RIN1: variants seen among roughly 807,000 people sequenced by gnomAD.
RIN1 encodes the protein Ras and Rab interactor 1, also known as ras inhibitor 1.
A neutral mutation model predicts 64.9 loss-of-function variants in RIN1; 52 were observed. The observed-to-expected ratio is 0.80, with a 90% CI of 0.64 to 1.01. The LOEUF is 1.01. RIN1 is among the 50% of genes least tolerant of loss of function. The probability of loss-of-function intolerance (pLI) is 0.00; values close to 1 mark genes in which losing one functional copy is unlikely to be tolerated. For synonymous variants in RIN1, 486 were observed against 483.6 expected (o/e 1.00, Z -0.06); for missense variants, 1,040 against 1,064.5 (o/e 0.98, Z 0.32).
intron 9 of RIN1, 39 bp from the exon 10 acceptor site, chr11:66,332,791 G>C (rs374113133): frequency 7.0e-7 from 1 of 1,418,528 alleles, no homozygotes; most frequent in Non-Finnish European, 9.5e-7. Flanking sequence ...ACTCAGCCCC[G>C]GCTGGCATGC....
rs572382503 is a variant in RIN1, at chr11:66,331,505, A to G, written c.*771T>C. The G allele has an allele frequency of 1.3e-5, 2 of 152,174 alleles. No individual in the cohort carries two copies. Among genetic ancestry groups the G allele is most frequent in the Non-Finnish European group, 2.9e-5 (2 of 68,026 alleles). 9.4% of individuals were successfully genotyped at this position (152,174 alleles called of 1,614,324 possible). A position where few individuals can be genotyped will look rare whatever the true frequency, so the allele number is the denominator to read the frequency against. On this transcript the variant is annotated 3_prime_UTR_variant, in exon 10 of 10. Coordinates refer to ENST00000311320, the MANE Select transcript of RIN1 (RefSeq NM_004292.3). ...CTTGGGGAGAGACTGTAACTTGGGT[A>G]CTTTCTCCCCAGGGCCTGATTTCCA...
In RIN1 at chr11:66,334,944, C is replaced by G; in HGVS notation, c.855G>C (p.Gln285His). ...PSQTERLPPCQLLRRESSVGY... is the reference protein window; with the variant it reads ...PSQTERLPPCHLLRRESSVGY... ...CCACTGAGCTCTCCCTCCGTAGCAG[C>G]TGGCAAGGGGGCAGCCGCTCTGTCT... Residue 285 changes from glutamine to histidine, a missense_variant, in exon 6 of 10, where the codon CAG (glutamine) becomes CAC (histidine). Physicochemically the swap from Gln to His is conservative, Grantham distance 24. Transcript: ENST00000311320. 1 of 1,587,454 alleles carries G rather than the reference C, an allele frequency of 6.3e-7. No individual in the cohort carries two copies. Among genetic ancestry groups the G allele is most frequent in the Non-Finnish European group, 8.6e-7 (1 of 1,166,844 alleles).
chr11:66,334,177 G>C lies in RIN1; in HGVS notation c.1333C>G (p.Arg445Gly). 1.3e-6 allele frequency: 2 copies of C among 1,528,758 alleles called. No homozygotes were observed. Among genetic ancestry groups the C allele is most frequent in the Non-Finnish European group, 1.7e-6 (2 of 1,144,424 alleles). 94.7% of individuals were successfully genotyped at this position (1,528,758 alleles called of 1,614,324 possible). A position where few individuals can be genotyped will look rare whatever the true frequency, so the allele number is the denominator to read the frequency against. ...SLHCSVLKPLRPILAARLRRR... is the reference protein window; with the variant it reads ...SLHCSVLKPLGPILAARLRRR... ...CGCAGGCGGGCTGCCAGGATGGGCC[G>C]GAGAGGCTTGAGCACAGAGCAATGC... The change falls in exon 7 of 10, where the codon CGG becomes GGG. Residue 445 changes from arginine (R) to glycine (G), a missense_variant. By Grantham distance (125) the Arg-to-Gly change is moderately radical (BLOSUM62 -2). Transcript: ENST00000311320.
chr11:66,335,260 C>G lies in RIN1; in HGVS notation c.548-9G>C, dbSNP rs765831364. ...GGAGGAGCTCCAGAACTCTAGGGAA[C>G]AAGAAACCGACTGGGGCCTCCGGGA... is the stretch of plus-strand genomic sequence containing the variant. On this transcript the variant is annotated splice_polypyrimidine_tract_variant and intron_variant, in intron 5 of 9. Coordinates refer to ENST00000311320, the MANE Select transcript of RIN1 (RefSeq NM_004292.3). The G allele has an allele frequency of 1.3e-6, 2 of 1,570,882 alleles. No homozygotes were observed. The highest frequency in any genetic ancestry group is 1.2e-5 in the South Asian group (1 of 85,478).
Position 66,332,300 on chromosome 11 carries a change from C to G in RIN1, c.2328G>C (p.Glu776Asp), listed in dbSNP as rs749273097. Residue 776 changes from glutamate to aspartate, a missense_variant, in exon 10 of 10, where the codon GAG (glutamate) becomes GAC (aspartate). By Grantham distance (45) the Glu-to-Asp change is conservative. Transcript: ENST00000311320. ...GPAQPGEPEA[E>D]GSRAAEE The stretch of plus-strand genomic sequence containing the variant: ...GCTACTCCTCTGCTGCCCGGCTTCC[C>G]TCTGCCTCTGGTTCCCCTGGCTGAG... 2.5e-6 allele frequency: 4 copies of G among 1,614,018 alleles called. No homozygotes were observed. The Admixed American group carries it at 5.0e-5, about 20-fold the overall frequency.
chr11:66,335,045 C>T lies in RIN1; in HGVS notation c.754G>A (p.Glu252Lys). 6.5e-7 allele frequency: 1 copy of T among 1,533,482 alleles called. No individual in the cohort carries two copies. The highest frequency in any genetic ancestry group is 8.8e-7 in the Non-Finnish European group (1 of 1,142,544). 95.0% of individuals were successfully genotyped at this position (1,533,482 alleles called of 1,614,324 possible). Residue 252 changes from glutamate to lysine, a missense_variant, in exon 6 of 10, where the codon GAG (glutamate) becomes AAG (lysine). Physicochemically the swap from Glu to Lys is moderately conservative, Grantham distance 56. Coordinates refer to ENST00000311320, the MANE Select transcript of RIN1 (RefSeq NM_004292.3). ...GGTGGAGACAGGGGGCTGGAGGTCT[C>T]TGTGGACACGCGCACTTTGAAGCTT... ...KRSFKVRVST[E>K]TSSPLSPPAV...
intron 7 of RIN1, 60 bp downstream of exon 7, chr11:66,333,859 T>C: frequency 1.4e-6 from 2 of 1,460,176 alleles, no homozygotes; most frequent in Non-Finnish European, 1.8e-6. Flanking sequence ...GACCTGCCGC[T>C]GGGGGGCCCG....
rs202010918 is a variant in RIN1, at chr11:66,334,132, C to T, written c.1378G>A (p.Gly460Ser). 5,327 of 1,545,222 alleles carry T rather than the reference C, an allele frequency of 3.4e-3. 13 individuals are homozygous for T. The highest frequency in any genetic ancestry group is 4.3e-3 in the Non-Finnish European group (4,919 of 1,147,288). ...CCCTCAGCTAGGCGGCCCAGGGAGC[C>T]GTCTGCGGCAAGCCGGCGCCGCAGG... ...ARLRRRLAADGSLGRLAEGLR... is the reference protein window; with the variant it reads ...ARLRRRLAADSSLGRLAEGLR... The change falls in exon 7 of 10, where the codon GGC becomes AGC. Residue 460 changes from glycine (G) to serine (S), a missense_variant. By Grantham distance (56) the Gly-to-Ser change is moderately conservative (BLOSUM62 0). Coordinates refer to ENST00000311320, the MANE Select transcript of RIN1 (RefSeq NM_004292.3).
chr11:66,333,522 C>T lies in RIN1; in HGVS notation c.1723+5G>A, dbSNP rs368976622. 71 of 1,612,958 alleles carry T rather than the reference C, an allele frequency of 4.4e-5. No individual in the cohort carries two copies. In the African/African-American group the frequency reaches 7.5e-4, roughly 17 times the overall value. On this transcript the variant is annotated splice_donor_5th_base_variant and intron_variant, in intron 8 of 9. Transcript: ENST00000311320. ...CAGACAGGGAGGTGGGTGGGGGTCC[C>T]TCACCCTCTCCAGTAAGCAGGCTGG...
intron 9 of RIN1, 142 bp from the exon 10 acceptor site, chr11:66,332,894 C>G (rs1854772273): frequency 1.4e-6 from 1 of 693,908 alleles, no homozygotes; most frequent in Non-Finnish European, 2.4e-6. Flanking sequence ...GCGGCAAAAG[C>G]TCTATGTGCT....
chr11:66,333,068 C>T, intron 9 of RIN1, 190 bp downstream of exon 9: 1 of 667,590 alleles, frequency 1.5e-6, no homozygotes, highest in Non-Finnish European at 2.5e-6. Context: ...GGTCCTATTA[C>T]CCCATTTTAC....
chr11:66,336,352 C>T lies in RIN1; in HGVS notation c.51G>A (p.Pro17=), dbSNP rs764479007. 26 of 1,613,604 alleles carry T rather than the reference C, an allele frequency of 1.6e-5. No homozygotes were observed. The highest frequency in any genetic ancestry group is 1.0e-4 in the Admixed American group (6 of 59,970). The change falls in exon 1 of 10, where the codon CCG becomes CCA. Residue 17 remains proline, a synonymous_variant. Transcript: ENST00000311320. ...CCAGGTGCCCAGTAGTGAAGCTGGA[C>T]GGGCTGGGGGCTCCAGGAGAGCCCG... ...SGAGSPGAPS[P]SSFTTGHLAR...
chr11:66,334,443 G>T, intron 6 of RIN1, 71 bp downstream of exon 6: 1 of 1,550,888 alleles, frequency 6.4e-7, no homozygotes, highest in South Asian at 1.2e-5. Context: ...GAATCAGACA[G>T]GCTGGCGCTG....
At position 66,332,154 on chromosome 11, in the gene RIN1, G is replaced by A; in HGVS notation, c.*122C>T. The A allele has an allele frequency of 1.1e-6, 1 of 895,470 alleles. No homozygotes were observed. The highest frequency in any genetic ancestry group is 1.8e-6 in the Non-Finnish European group (1 of 565,644). 55.5% of individuals were successfully genotyped at this position (895,470 alleles called of 1,614,324 possible). ...GTTCCCCCAGCTTCCCTGGAAACAA[G>A]TATCAGACAAAGGTGGTGGCAGACA... On this transcript the variant is annotated 3_prime_UTR_variant, in exon 10 of 10. Coordinates refer to ENST00000311320, the MANE Select transcript of RIN1 (RefSeq NM_004292.3).
Position 66,334,550 on chromosome 11 carries a change from G to T in RIN1, c.1249C>A (p.Leu417Met). The T allele has an allele frequency of 6.3e-7, 1 of 1,592,072 alleles. No homozygotes were observed. ...SRARAMLSAE[L>M]GPEKLLSPKR... ...GGCGACAGCAGCTTCTCAGGGCCCA[G>T]CTCCGCACTCAGCATGGCCCGGGCC... The change falls in exon 6 of 10, where the codon CTG becomes ATG. Residue 417 changes from leucine to methionine, a missense_variant. Leu to Met is a conservative substitution (Grantham distance 15). Transcript: ENST00000311320.
At chr11:66,333,865 G>T (rs1280053236) in intron 7 of RIN1, 54 bp downstream of exon 7, 1 of 1,461,890 alleles carries the variant, frequency 6.8e-7, no homozygotes. Context: ...CCGCTGGGGG[G>T]CCCGCCTCTG....
chr11:66,333,324 C>T lies in RIN1; in HGVS notation c.1809G>A (p.Val603=). 1 of 1,613,200 alleles carries T rather than the reference C, an allele frequency of 6.2e-7. No individual in the cohort carries two copies. The highest frequency in any genetic ancestry group is 1.3e-5 in the African/African-American group (1 of 75,050). ...GQAHTLPLSP[V]QELRRSLSLW... is the part of the protein sequence containing the mutation. Reference sequence around the variant, plus strand: ...GGCTGAGGGAGCGCCGTAGCTCCTGCACGGGGCTCAGTGGGAGGGTGTGGG... The same window carrying T: ...GGCTGAGGGAGCGCCGTAGCTCCTGTACGGGGCTCAGTGGGAGGGTGTGGG... Residue 603 remains valine (V), a synonymous_variant, in exon 9 of 10, where the codon GTG becomes GTA. Transcript: ENST00000311320.
intron 9 of RIN1, 84 bp from the exon 10 acceptor site, chr11:66,332,836 G>T: frequency 9.5e-7 from 1 of 1,051,718 alleles, no homozygotes; most frequent in Non-Finnish European, 1.4e-6. Context: ...AGCTTTCTGG[G>T]CTGTGCAGGG....
rs200680197 is a variant in RIN1, at chr11:66,335,791, G to C, written c.353C>G (p.Ser118Cys). 1.1e-4 allele frequency: 183 copies of C among 1,611,490 alleles called. No individual in the cohort carries two copies. Among genetic ancestry groups the C allele is most frequent in the Non-Finnish European group, 1.4e-4 (170 of 1,178,192 alleles). ...AGGGCTCTCCAGGATGTAGTGGCTGGAGACGAAGGAGGGGCCACTGGCTTC... is the reference window on the plus strand; with the variant it reads ...AGGGCTCTCCAGGATGTAGTGGCTGCAGACGAAGGAGGGGCCACTGGCTTC... The part of the protein sequence containing the change: ...LPEASGPSFV[S>C]SHYILESPGG... The change falls in exon 3 of 10, where the codon TCC (serine) becomes TGC (cysteine). Residue 118 changes from serine to cysteine, a missense_variant. Coordinates refer to ENST00000311320, the MANE Select transcript of RIN1 (RefSeq NM_004292.3).
Sources: gnomAD v4.1 joint callset for allele counts on GRCh38, gnomAD v4.1.1 for gene constraint, MANE v1.5 for transcripts, NCBI Gene and HGNC (gene_info 2026-07-23, HGNC 2026-07-21) for gene names.